ZMIZ1: variants seen among roughly 807,000 people sequenced by gnomAD.
ZMIZ1 encodes zinc finger MIZ-type containing 1, also known as zinc finger MIZ domain-containing protein 1.
In ZMIZ1, 17 loss-of-function variants were observed where a neutral mutation model predicts 113.9. The observed-to-expected ratio is 0.15, with a 90% CI of 0.10 to 0.22. The LOEUF (loss-of-function observed/expected upper bound fraction) is 0.22. Ranked by LOEUF, ZMIZ1 falls within the 10% of genes least tolerant of loss-of-function variation. ZMIZ1 has a pLI of 1.00. For missense variants in ZMIZ1, 1,059 were observed against 1,477.8 expected (o/e 0.72, Z 4.65); for synonymous variants, 607 against 603.1 (o/e 1.01, Z -0.09).
chr10:79,214,909 A>G (rs1808283361), intron 6 of ZMIZ1, among the ~76,000 whole-genome samples: 1 of 152,192 alleles, frequency 6.6e-6, no homozygotes, highest in African/African-American at 2.4e-5. Flanking sequence ...GTGGGGACAG[A>G]GTGAAGCCAG....
In ZMIZ1 at chr10:79,264,507, A is replaced by C. The variant is rs16937051; in HGVS notation, c.281-12674A>C. Among the ~76,000 whole-genome samples the C allele has an allele frequency of 6.8e-3, 1,033 of 152,030 alleles. 11 individuals are homozygous for C. The highest frequency in any genetic ancestry group is 0.024 in the African/African-American group (991 of 41,464). ...TGCTATTAGTGCTACCTAATTTCCTACTGAGGTGGTCTAGAGCTCCTCCGC... is the reference window on the plus strand; with the variant it reads ...TGCTATTAGTGCTACCTAATTTCCTCCTGAGGTGGTCTAGAGCTCCTCCGC... On this transcript the variant is annotated intron_variant, in intron 7 of 24. Transcript: ENST00000334512.
chr10:79,299,941 G>T (rs930519617), intron 16 of ZMIZ1, among the ~76,000 whole-genome samples: 2 of 150,472 alleles, frequency 1.3e-5, no homozygotes, highest in African/African-American at 5.0e-5. Context: ...CTGTGCTTGT[G>T]ACTCAGACCC....
At chr10:79,146,938 TAGTGTAC>T (rs1845512470) in intron 3 of ZMIZ1, among the ~76,000 whole-genome samples, 1 of 123,984 alleles carries the variant, frequency 8.1e-6, no homozygotes, top group South Asian at 3.0e-4. Context: ...TGCGTGTGTG[TAGTGTAC>T]GTGTGTGTGT....
At chr10:79,162,028 C>T (rs533802349) in intron 3 of ZMIZ1, 25 bp from the exon 4 acceptor site, 222 of 399,134 alleles carry the variant, frequency 5.6e-4, no homozygotes, top group Non-Finnish European at 8.7e-4. Context: ...TGGGTAGACC[C>T]GCTGACCTCC....
At chr10:79,219,683 G>A (rs1251051298) in intron 7 of ZMIZ1, among the ~76,000 whole-genome samples, 2 of 152,170 alleles carry the variant, frequency 1.3e-5, no homozygotes, top group Non-Finnish European at 2.9e-5. Context: ...AATTTAGAAA[G>A]CCCTTTCCCA....
At chr10:79,102,916 T>A (rs1336333526) in intron 1 of ZMIZ1, among the ~76,000 whole-genome samples, 2 of 152,128 alleles carry the variant, frequency 1.3e-5, no homozygotes, top group African/African-American at 4.8e-5. Flanking sequence ...ATCTAAACAT[T>A]GGATAGAAAG....
intron 5 of ZMIZ1, among the ~76,000 whole-genome samples, chr10:79,207,780 T>G (rs2132678504): frequency 6.6e-6 from 1 of 152,120 alleles, no homozygotes; most frequent in Admixed American, 6.5e-5. Context: ...ACCCATCACC[T>G]TATGTGGCTA....
chr10:79,164,896 C>A (rs1275546801), intron 4 of ZMIZ1, among the ~76,000 whole-genome samples: 1 of 152,130 alleles, frequency 6.6e-6, no homozygotes, highest in Admixed American at 6.5e-5. Flanking sequence ...CCTGTTCCCT[C>A]CAGAGCCCCT....
At chr10:79,165,984 G>GTC (rs1781064780) in intron 4 of ZMIZ1, among the ~76,000 whole-genome samples, 1 of 147,520 alleles carries the variant, frequency 6.8e-6, no homozygotes, top group Non-Finnish European at 1.5e-5. Context: ...GTGTGTGTGT[G>GTC]TGTGTGTGTG....
At chr10:79,251,357 G>A (rs1283393321) in intron 7 of ZMIZ1, among the ~76,000 whole-genome samples, 1 of 152,172 alleles carries the variant, frequency 6.6e-6, no homozygotes, top group Non-Finnish European at 1.5e-5. Flanking sequence ...GCACAGTGCT[G>A]GGATCTCATC....
intron 7 of ZMIZ1, among the ~76,000 whole-genome samples, chr10:79,236,118 G>A (rs1413575657): frequency 6.6e-6 from 1 of 152,216 alleles, no homozygotes; most frequent in East Asian, 1.9e-4. Context: ...TTCCAGGCAC[G>A]ATGGGTCCGA....
intron 7 of ZMIZ1, among the ~76,000 whole-genome samples, chr10:79,258,257 G>A (rs977771824): frequency 3.3e-5 from 5 of 152,160 alleles, no homozygotes; most frequent in African/African-American, 7.2e-5. Context: ...GGTTATGCAC[G>A]CCTGTAGTCC....
intron 1 of ZMIZ1, among the ~76,000 whole-genome samples, chr10:79,086,767 A>T (rs1340455633): frequency 6.6e-6 from 1 of 151,556 alleles, no homozygotes; most frequent in Non-Finnish European, 1.5e-5. Flanking sequence ...TTTTATTTTT[A>T]TTTTTTTTAA....
At chr10:79,136,462 G>T (rs1845010809) in intron 2 of ZMIZ1, among the ~76,000 whole-genome samples, 1 of 152,206 alleles carries the variant, frequency 6.6e-6, no homozygotes, top group Non-Finnish European at 1.5e-5. Context: ...GCATCTGTGT[G>T]GAATGAATGA....
intron 7 of ZMIZ1, among the ~76,000 whole-genome samples, chr10:79,237,237 A>G (rs1446856045): frequency 2.0e-5 from 3 of 152,218 alleles, no homozygotes; most frequent in African/African-American, 7.2e-5. Context: ...CAGAGAGATG[A>G]CGGAGACTGG....
chr10:79,298,260 G>T, intron 14 of ZMIZ1, 146 bp from the exon 15 acceptor site: 1 of 924,250 alleles, frequency 1.1e-6, no homozygotes. Context: ...AGAGATCTGC[G>T]AGAGAGAAGA....
At chr10:79,292,790 C>G in intron 11 of ZMIZ1, 1 of 464,810 alleles carries the variant, frequency 2.2e-6, no homozygotes, top group Non-Finnish European at 4.3e-6. Flanking sequence ...GGCCCCAGTG[C>G]TGCTCCCTGA....
chr10:79,175,636 T>G (rs745867934), intron 4 of ZMIZ1, among the ~76,000 whole-genome samples: 29,163 of 103,858 alleles, frequency 0.28, 3,634 homozygotes, highest in East Asian at 0.48. Flanking sequence ...GTGTGGAGGT[T>G]TTTACAGACC....
intron 1 of ZMIZ1, among the ~76,000 whole-genome samples, chr10:79,100,870 G>A (rs1485949712): frequency 2.0e-5 from 3 of 152,198 alleles, no homozygotes; most frequent in African/African-American, 7.2e-5. Flanking sequence ...GGCCCTCAGG[G>A]CTTTTGCACA....
Sources: allele counts gnomAD v4.1 joint callset (sites outside exome capture counted in the v4.1 genomes callset), GRCh38; gene constraint gnomAD v4.1.1; transcripts MANE v1.5; gene names NCBI Gene and HGNC (gene_info 2026-07-23, HGNC 2026-07-21).